USP10: variants seen among roughly 807,000 people sequenced by gnomAD.
USP10 encodes the protein ubiquitin specific peptidase 10.
Under a neutral mutation model 84.5 loss-of-function variants are expected in USP10, and 22 were observed. The observed-to-expected ratio is 0.26, with a 90% CI of 0.19 to 0.37. USP10 has a LOEUF of 0.37. Among genes scored for constraint, USP10 ranks in the 10% least tolerant of loss-of-function variants. The pLI, the probability that USP10 is intolerant of heterozygous loss-of-function variation, is 1.00. For synonymous variants in USP10, 454 were observed against 387.6 expected (o/e 1.17, Z -2.01); for missense variants, 1,019 against 998.9 (o/e 1.02, Z -0.27).
At chr16:84,777,358 C>G (rs1366453450) in intron 13 of USP10, among the ~76,000 whole-genome samples, 1 of 152,170 alleles carries the variant, frequency 6.6e-6, no homozygotes, top group East Asian at 1.9e-4. Flanking sequence ...TACTGATGGT[C>G]GCTTTGAAGC....
In USP10 at chr16:84,759,827, G is replaced by A. The variant is rs948716614; in HGVS notation, c.1395-64G>A. On this transcript the variant is annotated intron_variant, in intron 6 of 13. Coordinates refer to ENST00000219473, the MANE Select transcript of USP10 (RefSeq NM_005153.3). ...GCTGATATTCTACTTAGCCATCAAA[G>A]CTCTTTAGTAAAAGTATATATTGTT... 5.3e-6 allele frequency: 8 copies of A among 1,508,092 alleles called. No homozygotes were observed. In the African/African-American group the frequency reaches 5.5e-5, roughly 10 times the overall value. 93.4% of individuals were successfully genotyped at this position (1,508,092 alleles called of 1,614,324 possible).
chr16:84,704,227 C>A (rs1384340386), intron 1 of USP10, among the ~76,000 whole-genome samples: 1 of 152,120 alleles, frequency 6.6e-6, no homozygotes, highest in Non-Finnish European at 1.5e-5. Flanking sequence ...TTAATGGTTC[C>A]TGGTATTCAG....
At chr16:84,764,617 G>A (rs559860626) in intron 10 of USP10, among the ~76,000 whole-genome samples, 1 of 152,242 alleles carries the variant, frequency 6.6e-6, no homozygotes, top group South Asian at 2.1e-4. Context: ...GATCACCTGA[G>A]GTTAGAAGTT....
intron 3 of USP10, among the ~76,000 whole-genome samples, chr16:84,743,829 G>T (rs1224754545): frequency 6.6e-6 from 1 of 152,210 alleles, no homozygotes; most frequent in Non-Finnish European, 1.5e-5. Context: ...CTTCCCAAGA[G>T]ATATTTAAAA....
intron 1 of USP10, chr16:84,708,839 G>A (rs1037735237): frequency 2.6e-5 from 4 of 152,198 alleles, no homozygotes; most frequent in Admixed American, 1.3e-4. Context: ...AACCACATAT[G>A]AAGGACTTTA....
intron 1 of USP10, among the ~76,000 whole-genome samples, chr16:84,700,718 C>G (rs1904754153): frequency 6.6e-6 from 1 of 152,208 alleles, no homozygotes. Context: ...ACCGTACTTT[C>G]ACTTGCGTTT....
At chr16:84,771,000 T>A (rs1914390588) in intron 11 of USP10, among the ~76,000 whole-genome samples, 1 of 149,560 alleles carries the variant, frequency 6.7e-6, no homozygotes, top group Non-Finnish European at 1.5e-5. Flanking sequence ...GAGGTTGCAG[T>A]GAGCTGAGAT....
chr16:84,734,851 C>T (rs1284867022), intron 2 of USP10, among the ~76,000 whole-genome samples: 2 of 152,146 alleles, frequency 1.3e-5, no homozygotes, highest in Non-Finnish European at 2.9e-5. Flanking sequence ...GAACTCCCTG[C>T]CCCTGTGGCC....
intron 2 of USP10, 102 bp from the exon 3 acceptor site, chr16:84,740,207 G>A: frequency 1.9e-6 from 2 of 1,026,598 alleles, no homozygotes; most frequent in Non-Finnish European, 2.9e-6. Context: ...ATGCAAAGTT[G>A]TATGGATTAA....
chr16:84,766,165 TAAG>T (rs760118873), intron 10 of USP10, among the ~76,000 whole-genome samples: 1 of 152,206 alleles, frequency 6.6e-6, no homozygotes, highest in Non-Finnish European at 1.5e-5. Context: ...AGGTGAATAA[TAAG>T]AACCTCAGAA....
intron 4 of USP10, among the ~76,000 whole-genome samples, chr16:84,755,115 G>A (rs1408592521): frequency 6.6e-6 from 1 of 151,334 alleles, no homozygotes; most frequent in Non-Finnish European, 1.5e-5. Flanking sequence ...GAGTCTGTTC[G>A]AACGGGTCAA....
chr16:84,759,731 T>C (rs1006115457), intron 6 of USP10, 160 bp from the exon 7 acceptor site: 1 of 759,502 alleles, frequency 1.3e-6, no homozygotes, highest in Non-Finnish European at 2.1e-6. Context: ...AGACCAAAAA[T>C]GCATATAGAA....
intron 11 of USP10, 97 bp downstream of exon 11, chr16:84,768,455 T>G (rs1467611936): frequency 2.4e-6 from 3 of 1,246,100 alleles, no homozygotes; most frequent in Non-Finnish European, 2.1e-6. Context: ...GTTTGAGTTA[T>G]GCCTCTTAAA....
At chr16:84,725,034 A>G (rs913727837) in intron 1 of USP10, among the ~76,000 whole-genome samples, 3 of 152,176 alleles carry the variant, frequency 2.0e-5, no homozygotes, top group African/African-American at 7.2e-5. Context: ...CTTTATTGAG[A>G]TATAATTCAC....
intron 4 of USP10, among the ~76,000 whole-genome samples, chr16:84,755,863 C>T (rs968452129): frequency 3.9e-5 from 6 of 151,930 alleles, no homozygotes; most frequent in Non-Finnish European, 8.8e-5. Context: ...CTGGTGTCAT[C>T]TGGGTATCTT....
intron 4 of USP10, among the ~76,000 whole-genome samples, chr16:84,758,498 G>A (rs977086407): frequency 2.6e-5 from 4 of 152,160 alleles, no homozygotes; most frequent in Admixed American, 6.5e-5. Flanking sequence ...AAGATTAAAT[G>A]TTGCTATTTG....
chr16:84,745,903 C>T (rs1208278893), intron 4 of USP10, among the ~76,000 whole-genome samples: 2 of 152,206 alleles, frequency 1.3e-5, no homozygotes, highest in African/African-American at 2.4e-5. Context: ...TGTCTGTTAG[C>T]AGTTCTTTTC....
intron 3 of USP10, among the ~76,000 whole-genome samples, chr16:84,741,342 G>A (rs1419319779): frequency 6.6e-6 from 1 of 152,250 alleles, no homozygotes; most frequent in Non-Finnish European, 1.5e-5. Context: ...GGACCGGGAA[G>A]CCGGGCTGCT....
chr16:84,772,348 G>C (rs1169052467), intron 11 of USP10, among the ~76,000 whole-genome samples, 193 bp from the exon 12 acceptor site: 2 of 152,154 alleles, frequency 1.3e-5, no homozygotes, highest in Non-Finnish European at 2.9e-5. Flanking sequence ...CACTGCATCT[G>C]GGTATGTGCA....
Sources: gnomAD v4.1 joint callset for allele counts (sites outside exome capture counted in the v4.1 genomes callset) on GRCh38, gnomAD v4.1.1 for gene constraint, MANE v1.5 for transcripts, NCBI Gene and HGNC (gene_info 2026-07-23, HGNC 2026-07-21) for gene names.